Variants in PLCL1 observed in about 807,000 individuals in gnomAD.
PLCL1 encodes inactive phospholipase C-like protein 1.
Under a neutral mutation model 84.4 loss-of-function variants are expected in PLCL1, and 41 were observed. That is an observed-to-expected ratio of 0.49 (90% CI 0.38 to 0.63). PLCL1 has a LOEUF of 0.63. Among genes scored for constraint, PLCL1 ranks in the 30% least tolerant of loss-of-function variants. The pLI is 0.00. For missense variants in PLCL1, 1,206 were observed against 1,367.8 expected, an observed-to-expected ratio of 0.88 and a Z score of 1.87; for synonymous variants, 490 against 488.3, an observed-to-expected ratio of 1.00 and a Z score of -0.05.
At chr2:197,957,178 T>C (rs1392164565) in intron 1 of PLCL1, among the ~76,000 whole-genome samples, 2 of 152,252 alleles carry the variant, frequency 1.3e-5, no homozygotes, top group South Asian at 4.1e-4. Flanking sequence ...CTAGGAATTA[T>C]CTTTTCTTTC....
At chr2:197,811,660 T>C (rs1559012697) in intron 1 of PLCL1, among the ~76,000 whole-genome samples, 1 of 152,258 alleles carries the variant, frequency 6.6e-6, no homozygotes, top group Non-Finnish European at 1.5e-5. Flanking sequence ...TTTATGAAAG[T>C]GTGTAGCTAT....
intron 1 of PLCL1, among the ~76,000 whole-genome samples, chr2:198,054,486 G>GC (rs1025065824): frequency 6.6e-6 from 1 of 152,208 alleles, no homozygotes; most frequent in African/African-American, 2.4e-5. Flanking sequence ...AGAAGGGAAT[G>GC]CCCCCTGGTG....
rs577240040 is a variant in PLCL1 at position 198,000,652 on chromosome 2, G to A, written c.241-83106G>A. ...GTTTAAAGTTTCACTTGATGAATGA[G>A]CAAACTGGTGTTCACAGGGGCAAAG... On this transcript the variant is annotated intron_variant, in intron 1 of 5. Transcript: ENST00000428675. Among the ~76,000 whole-genome samples, 2 of 152,116 alleles carry A rather than the reference G, an allele frequency of 1.3e-5. 1 individual carries two copies. Among genetic ancestry groups the A allele is most frequent in the South Asian group, 4.2e-4 (2 of 4,816 alleles).
chr2:198,057,134 A>G (rs892954573), intron 1 of PLCL1, among the ~76,000 whole-genome samples: 11 of 152,278 alleles, frequency 7.2e-5, no homozygotes, highest in African/African-American at 2.6e-4. Flanking sequence ...TTCTTAATGG[A>G]GATGAGCCTC....
intron 4 of PLCL1, among the ~76,000 whole-genome samples, chr2:198,101,634 G>A (rs1330820468): frequency 6.6e-6 from 1 of 151,868 alleles, no homozygotes; most frequent in Non-Finnish European, 1.5e-5. Context: ...CTAGTTTTGT[G>A]GTTTGGAACC....
intron 1 of PLCL1, among the ~76,000 whole-genome samples, chr2:197,857,293 A>G (rs1687347809): frequency 6.6e-6 from 1 of 152,084 alleles, no homozygotes; most frequent in Non-Finnish European, 1.5e-5. Flanking sequence ...TCTTTTCTCT[A>G]TACCAGGCTG....
At chr2:198,068,846 A>T (rs919183634) in intron 1 of PLCL1, among the ~76,000 whole-genome samples, 2 of 152,016 alleles carry the variant, frequency 1.3e-5, no homozygotes, top group African/African-American at 2.4e-5. Context: ...ACATGGAGAA[A>T]CCCCATCTCT....
chr2:198,115,764 G>A (rs1052370263), intron 5 of PLCL1, among the ~76,000 whole-genome samples: 6 of 151,556 alleles, frequency 4.0e-5, no homozygotes, highest in African/African-American at 1.5e-4. Flanking sequence ...GGTCTCGTGA[G>A]ACTTATTCAC....
chr2:197,887,229 A>T (rs557499748), intron 1 of PLCL1, among the ~76,000 whole-genome samples: 44 of 152,150 alleles, frequency 2.9e-4, no homozygotes, highest in Middle Eastern at 3.4e-3. Flanking sequence ...TCTGCTTTTT[A>T]AAAAAAGCAT....
chr2:197,827,495 G>A (rs1266756532), intron 1 of PLCL1, among the ~76,000 whole-genome samples: 1 of 152,086 alleles, frequency 6.6e-6, no homozygotes, highest in Admixed American at 6.6e-5. Context: ...GTTTTTAGGA[G>A]CATTAAACAA....
intron 5 of PLCL1, among the ~76,000 whole-genome samples, chr2:198,119,286 T>A (rs1693817501): frequency 6.6e-6 from 1 of 152,020 alleles, no homozygotes; most frequent in Admixed American, 6.6e-5. Context: ...TTAAGAGAGT[T>A]AAAAATAAAT....
At chr2:197,850,922 A>G (rs2105681880) in intron 1 of PLCL1, among the ~76,000 whole-genome samples, 1 of 152,306 alleles carries the variant, frequency 6.6e-6, no homozygotes, top group South Asian at 2.1e-4. Context: ...CACCTCCATA[A>G]ACAAACATTA....
chr2:197,945,855 C>T lies in PLCL1; in HGVS notation c.241-137903C>T, dbSNP rs942113334. Among the ~76,000 whole-genome samples, 5 of 151,982 alleles carry T rather than the reference C, an allele frequency of 3.3e-5. No homozygotes were observed. The South Asian group carries it at 1.0e-3, about 32-fold the overall frequency. ...AAATTGGCATTGGTTAACACCTGTC[C>T]AGTTATTAAAATTTATATTAATACA... On this transcript the variant is annotated intron_variant, in intron 1 of 5. Coordinates refer to ENST00000428675, the MANE Select transcript of PLCL1 (RefSeq NM_006226.4).
intron 1 of PLCL1, among the ~76,000 whole-genome samples, chr2:197,895,249 G>A (rs6734781): frequency 0.73 from 110,092 of 151,708 alleles, 41,347 homozygotes; most frequent in African/African-American, 0.91. Flanking sequence ...TCCTCCATTC[G>A]TCTCCATTTC....
chr2:197,964,281 T>C (rs1330390828), intron 1 of PLCL1, among the ~76,000 whole-genome samples: 3 of 152,120 alleles, frequency 2.0e-5, no homozygotes, highest in Admixed American at 6.6e-5. Context: ...CTTTCATAAA[T>C]GTTGTATAGT....
intron 1 of PLCL1, among the ~76,000 whole-genome samples, chr2:198,079,579 G>A (rs1025496743): frequency 5.9e-5 from 9 of 151,986 alleles, no homozygotes; most frequent in African/African-American, 1.4e-4. Context: ...TAACAAAAAA[G>A]TATTTGTCTA....
chr2:197,960,677 A>G (rs895005058), intron 1 of PLCL1, among the ~76,000 whole-genome samples: 1 of 152,104 alleles, frequency 6.6e-6, no homozygotes, highest in Non-Finnish European at 1.5e-5. Context: ...TTGCTTTACC[A>G]TCTGTGCAGT....
intron 1 of PLCL1, among the ~76,000 whole-genome samples, chr2:197,815,075 A>G (rs1690661414): frequency 1.3e-5 from 2 of 152,190 alleles, no homozygotes; most frequent in African/African-American, 4.8e-5. Flanking sequence ...GAAGCCGGCT[A>G]CACTAAAAAA....
chr2:197,818,143 T>C (rs1487041983), intron 1 of PLCL1, among the ~76,000 whole-genome samples: 1 of 152,102 alleles, frequency 6.6e-6, no homozygotes, highest in Non-Finnish European at 1.5e-5. Context: ...GCACCTTCAG[T>C]ATGATAGATT....
Sources: allele counts gnomAD v4.1 joint callset (sites outside exome capture counted in the v4.1 genomes callset), GRCh38; gene constraint gnomAD v4.1.1; transcripts MANE v1.5; gene names NCBI Gene and HGNC (gene_info 2026-07-23, HGNC 2026-07-21).